Variants in BAZ2B observed in about 807,000 individuals in gnomAD.
The protein encoded by BAZ2B is bromodomain adjacent to zinc finger domain 2B.
In BAZ2B, 91 loss-of-function variants were observed where a neutral mutation model predicts 246.0. That is an observed-to-expected ratio of 0.37 (90% CI 0.31 to 0.44). The LOEUF (loss-of-function observed/expected upper bound fraction) is 0.44, where lower values mean the gene tolerates loss of function less well. Among genes scored for constraint, BAZ2B ranks in the 20% least tolerant of loss-of-function variants. The probability of loss-of-function intolerance (pLI) is 1.00; values close to 1 mark genes in which losing one functional copy is unlikely to be tolerated. For missense variants in BAZ2B, 2,332 were observed against 2,533.7 expected (o/e 0.92, Z 1.71); for synonymous variants, 855 against 860.0 (o/e 0.99, Z 0.10).
At position 159,319,060 on chromosome 2, in the gene BAZ2B, CACA is replaced by C. The variant is rs1179338993; in HGVS notation, c.*1202_*1204del. The C allele has an allele frequency of 3.3e-5, 5 of 152,612 alleles. No individual in the cohort carries two copies. Among genetic ancestry groups the C allele is most frequent in the African/African-American group, 1.2e-4 (5 of 41,532 alleles). The allele number at this position is 152,612 out of a possible 1,614,324, so 9.5% of individuals were successfully genotyped here. A position where few individuals can be genotyped will look rare whatever the true frequency, so the allele number is the denominator to read the frequency against. Reference sequence around the variant, plus strand: ...CCTAAAAAAAGAATGCTACCTTTTCCACAACATTTTATTTTAAATAAAACTTCA... The same window carrying C: ...CCTAAAAAAAGAATGCTACCTTTTCCACATTTTATTTTAAATAAAACTTCA... On this transcript the variant is annotated 3_prime_UTR_variant, in exon 37 of 37. Transcript: ENST00000392783. The surrounding 1 kb of genome is among the most constrained non-coding windows in gnomAD (Gnocchi z 4.0).
intron 14 of BAZ2B, among the ~76,000 whole-genome samples, chr2:159,409,064 T>G (rs1005166970): frequency 6.6e-6 from 1 of 151,772 alleles, no homozygotes; most frequent in Non-Finnish European, 1.5e-5. Context: ...TTTTGGTTGG[T>G]GAATATATTA....
At chr2:159,519,695 C>CA (rs1293342069) in intron 2 of BAZ2B, among the ~76,000 whole-genome samples, 2 of 114,670 alleles carry the variant, frequency 1.7e-5, no homozygotes, top group African/African-American at 6.6e-5. Context: ...TTTTTTGAGA[C>CA]AGAGTCTTGC....
At chr2:159,573,661 C>T (rs899434563) in intron 1 of BAZ2B, among the ~76,000 whole-genome samples, 5 of 152,118 alleles carry the variant, frequency 3.3e-5, no homozygotes, top group African/African-American at 7.2e-5. Context: ...AAATAGATAA[C>T]GTGGACTTTT....
At chr2:159,630,627 G>A in the BAZ2B span, among the ~76,000 whole-genome samples, 6 of 150,942 alleles carry the variant, frequency 4.0e-5, no homozygotes, top group Admixed American at 3.3e-4. Flanking sequence ...TCCGCCTCCC[G>A]GGTTCACGCC....
intron 2 of BAZ2B, among the ~76,000 whole-genome samples, chr2:159,534,287 AGT>A (rs984807137): frequency 7.9e-5 from 12 of 152,194 alleles, no homozygotes; most frequent in Admixed American, 7.2e-4. Context: ...AACATCACAG[AGT>A]GTACTTACGT....
At chr2:159,384,165 G>A (rs565397955) in intron 23 of BAZ2B, among the ~76,000 whole-genome samples, 2 of 152,032 alleles carry the variant, frequency 1.3e-5, no homozygotes, top group South Asian at 4.1e-4. Context: ...TACTTTACCA[G>A]TAAAGTCAAA....
chr2:159,461,151 T>G (rs1185560178), intron 3 of BAZ2B: 1 of 152,310 alleles, frequency 6.6e-6, no homozygotes, highest in Non-Finnish European at 1.5e-5. Flanking sequence ...TTTACATGTA[T>G]GTGGAGATAG....
intron 1 of BAZ2B, among the ~76,000 whole-genome samples, chr2:159,592,224 G>A (rs1255440438): frequency 3.9e-5 from 6 of 152,192 alleles, no homozygotes; most frequent in African/African-American, 9.6e-5. Flanking sequence ...TACATATAAC[G>A]TGTCTAGAAT....
At chr2:159,464,602 G>A (rs2076817065) in intron 3 of BAZ2B, 1 of 152,136 alleles carries the variant, frequency 6.6e-6, no homozygotes, top group Non-Finnish European at 1.5e-5. Context: ...TAGAAAACAA[G>A]TCACTGGGAG....
chr2:159,557,538 T>C (rs2089329348), intron 1 of BAZ2B, among the ~76,000 whole-genome samples: 2 of 152,200 alleles, frequency 1.3e-5, no homozygotes, highest in South Asian at 4.1e-4. Flanking sequence ...ACACTTGCTC[T>C]TCCCTCTGCC....
At chr2:159,712,155 T>C in the BAZ2B span, 1 of 147,104 alleles carries the variant, frequency 6.8e-6, no homozygotes, top group Non-Finnish European at 1.5e-5. Flanking sequence ...GCCCTGCAGG[T>C]GGGCCTGTGG....
intron 8 of BAZ2B, among the ~76,000 whole-genome samples, chr2:159,436,698 C>T (rs1266899294): frequency 6.6e-6 from 1 of 152,054 alleles, no homozygotes; most frequent in Non-Finnish European, 1.5e-5. Flanking sequence ...TTGCAGTGAG[C>T]GGAGATCTTG....
chr2:159,349,256 C>G lies in BAZ2B; in HGVS notation c.4888G>C (p.Gly1630Arg). The change falls in exon 29 of 37, where the codon GGA (glycine) becomes CGA (arginine). Residue 1630 changes from glycine to arginine, a missense_variant. Coordinates refer to ENST00000392783, the MANE Select transcript of BAZ2B (RefSeq NM_013450.4). ...GTGGGCCATCCACAAAACTGAAGTCCCATCATAGATACTCCACCTTTCACC... is the reference window on the plus strand; with the variant it reads ...GTGGGCCATCCACAAAACTGAAGTCGCATCATAGATACTCCACCTTTCACC... ...LQVKGGVSMM[G>R]LQFCGWPTGV... 2 of 1,612,244 alleles carry G rather than the reference C, an allele frequency of 1.2e-6. No homozygotes were observed. Among genetic ancestry groups the G allele is most frequent in the Non-Finnish European group, 1.7e-6 (2 of 1,178,760 alleles).
chr2:159,633,273 C>A, the BAZ2B span, among the ~76,000 whole-genome samples: 2 of 151,872 alleles, frequency 1.3e-5, no homozygotes. Context: ...CACAGTCCAA[C>A]TGAGAGGCAT....
intron 1 of BAZ2B, chr2:159,615,700 CG>C (rs1695891098): frequency 6.6e-6 from 1 of 152,288 alleles, no homozygotes; most frequent in Non-Finnish European, 1.5e-5. Context: ...GCGGATATTC[CG>C]GGGTAGGAAC....
At chr2:159,361,892 G>T (rs943617373) in intron 27 of BAZ2B, among the ~76,000 whole-genome samples, 23 of 151,682 alleles carry the variant, frequency 1.5e-4, no homozygotes, top group African/African-American at 4.9e-4. Context: ...ACTCATAAGT[G>T]GGCGTTGAAC....
At chr2:159,339,294 A>G (rs2066219097) in intron 31 of BAZ2B, among the ~76,000 whole-genome samples, 1 of 152,108 alleles carries the variant, frequency 6.6e-6, no homozygotes, top group East Asian at 1.9e-4. Context: ...CAAAATTCAA[A>G]CATGAGGATG....
intron 2 of BAZ2B, among the ~76,000 whole-genome samples, chr2:159,546,934 G>A (rs529136970): frequency 1.7e-4 from 26 of 152,098 alleles, no homozygotes; most frequent in Non-Finnish European, 3.2e-4. Flanking sequence ...CATTTGAAAT[G>A]AACTGTGACA....
the BAZ2B span, among the ~76,000 whole-genome samples, chr2:159,702,807 G>A: frequency 7.2e-5 from 11 of 152,150 alleles, no homozygotes; most frequent in African/African-American, 2.7e-4. Context: ...TTGGGACGCC[G>A]AGGCGGGCGG....
Sources: gnomAD v4.1 joint callset for allele counts (sites outside exome capture counted in the v4.1 genomes callset) on GRCh38, gnomAD v4.1.1 for gene constraint, Gnocchi (gnomAD v3.1) non-coding constraint, MANE v1.5 for transcripts, NCBI Gene and HGNC (gene_info 2026-07-23, HGNC 2026-07-21) for gene names.